CNTN5: variants seen among roughly 807,000 people sequenced by gnomAD.
CNTN5 encodes contactin 5, also known as contactin-5.
CNTN5 carries 77 observed loss-of-function variants against 129.1 expected under a neutral mutation model. The ratio of observed to expected loss-of-function variants is 0.60; its 90% CI spans 0.50 to 0.72. CNTN5 has a LOEUF of 0.72. Among genes scored for constraint, CNTN5 ranks in the 30% least tolerant of loss-of-function variants. CNTN5 has a pLI of 0.00. For synonymous variants in CNTN5, 509 were observed against 465.6 expected, an observed-to-expected ratio of 1.09 and a Z score of -1.20; for missense variants, 1,478 against 1,328.8, an observed-to-expected ratio of 1.11 and a Z score of -1.75.
intron 3 of CNTN5, among the ~76,000 whole-genome samples, chr11:99,717,460 T>TA (rs1414478650): frequency 4.6e-5 from 7 of 152,006 alleles, no homozygotes; most frequent in African/African-American, 1.2e-4. Context: ...ATCAGTAATA[T>TA]AAAAAAAGAT....
At chr11:99,365,168 G>C (rs1939366574) in intron 2 of CNTN5, among the ~76,000 whole-genome samples, 2 of 152,126 alleles carry the variant, frequency 1.3e-5, no homozygotes, top group Admixed American at 1.3e-4. Flanking sequence ...CTTTGATACT[G>C]TACAATATTC....
chr11:99,656,036 A>G (rs943131720), intron 3 of CNTN5, among the ~76,000 whole-genome samples: 1 of 151,224 alleles, frequency 6.6e-6, no homozygotes, highest in Non-Finnish European at 1.5e-5. Flanking sequence ...GTATGTGTGT[A>G]TGTGTGTATA....
In CNTN5 at chr11:99,793,065, A is replaced by ATT. The variant is rs34583185; in HGVS notation, c.56-26467_56-26466dup. 5.6e-3 allele frequency among the ~76,000 whole-genome samples: 796 copies of ATT among 142,712 alleles called. 6 individuals are homozygous for ATT. Among genetic ancestry groups the ATT allele is most frequent in the Non-Finnish European group, 9.4e-3 (611 of 64,804 alleles). The allele number at this position is 142,712 out of a possible 152,430, so 93.6% of individuals were successfully genotyped here. A position where few individuals can be genotyped will look rare whatever the true frequency, so the allele number is the denominator to read the frequency against. On this transcript the variant is annotated intron_variant, in intron 3 of 24. Coordinates refer to ENST00000524871, the MANE Select transcript of CNTN5 (RefSeq NM_014361.4). ...TACTAGCAGTCTATCTATCTTATTA[A>ATT]TTTTTTTTTTTTTCGACACAGTCTC...
intron 3 of CNTN5, among the ~76,000 whole-genome samples, chr11:99,606,271 G>A (rs371315152): frequency 7.8e-6 from 1 of 128,106 alleles, no homozygotes. Context: ...AAATCAATGT[G>A]CAAAAATCAC....
chr11:99,741,139 G>A (rs1022621615), intron 3 of CNTN5, among the ~76,000 whole-genome samples: 2 of 152,064 alleles, frequency 1.3e-5, no homozygotes, highest in African/African-American at 2.4e-5. Flanking sequence ...AGCAAGGCAG[G>A]TATTCAGTGA....
At chr11:99,763,174 A>T (rs2000567) in intron 3 of CNTN5, among the ~76,000 whole-genome samples, 71,966 of 151,886 alleles carry the variant, frequency 0.47, 17,540 homozygotes, top group Non-Finnish European at 0.54. Context: ...ACTTAAATGT[A>T]TTTGTAATTA....
chr11:100,062,309 A>G (rs567486915), intron 10 of CNTN5, among the ~76,000 whole-genome samples: 1 of 152,340 alleles, frequency 6.6e-6, no homozygotes, highest in African/African-American at 2.4e-5. Flanking sequence ...CAGTTCCAAA[A>G]GCTTAATGCC....
intron 7 of CNTN5, among the ~76,000 whole-genome samples, chr11:99,945,063 G>A (rs1950524357): frequency 6.6e-6 from 1 of 151,990 alleles, no homozygotes; most frequent in African/African-American, 2.4e-5. Flanking sequence ...AAGAGTGGGT[G>A]ATAGTATCGG....
intron 1 of CNTN5, among the ~76,000 whole-genome samples, chr11:99,289,068 T>C (rs1186263383): frequency 1.3e-5 from 2 of 151,842 alleles, no homozygotes; most frequent in Non-Finnish European, 3.0e-5. Context: ...ATTTTCCGAT[T>C]CTCAATTCCT....
intron 1 of CNTN5, among the ~76,000 whole-genome samples, chr11:99,164,140 A>T (rs1159248513): frequency 6.6e-6 from 1 of 152,102 alleles, no homozygotes; most frequent in Non-Finnish European, 1.5e-5. Flanking sequence ...AGCCTGGCCA[A>T]CATGGTGAAA....
intron 16 of CNTN5, among the ~76,000 whole-genome samples, chr11:100,233,980 G>C (rs1440523834): frequency 6.6e-6 from 1 of 152,022 alleles, no homozygotes; most frequent in African/African-American, 2.4e-5. Flanking sequence ...CCATCAAAAA[G>C]TGGGCAAAGG....
At chr11:99,598,276 T>G (rs1415600019) in intron 3 of CNTN5, among the ~76,000 whole-genome samples, 9 of 2,494 alleles carry the variant, frequency 3.6e-3, no homozygotes, top group African/African-American at 6.6e-3. Flanking sequence ...TTTCTTTTCT[T>G]TTCTTTTCTT....
At chr11:100,092,764 T>C (rs939733677) in intron 13 of CNTN5, among the ~76,000 whole-genome samples, 1 of 150,972 alleles carries the variant, frequency 6.6e-6, no homozygotes, top group Non-Finnish European at 1.5e-5. Context: ...TCTTTGCGCA[T>C]ATGTGTGTGC....
intron 2 of CNTN5, among the ~76,000 whole-genome samples, chr11:99,481,196 C>G (rs1157397124): frequency 6.6e-6 from 1 of 151,980 alleles, no homozygotes; most frequent in Non-Finnish European, 1.5e-5. Flanking sequence ...AGCAGTAATT[C>G]TAGTGCCTTT....
Position 99,741,025 on chromosome 11 carries a change from A to G in CNTN5, c.56-78519A>G, listed in dbSNP as rs1414066240. On this transcript the variant is annotated intron_variant, in intron 3 of 24. Coordinates refer to ENST00000524871, the MANE Select transcript of CNTN5 (RefSeq NM_014361.4). ...TTGCATCTTGAATCCCACATTTTCT[A>G]GAAACACTTTAGCTCAGAATATTAT... Among the ~76,000 whole-genome samples the G allele has an allele frequency of 5.3e-5, 8 of 152,276 alleles. No individual in the cohort carries two copies. The East Asian group carries it at 9.6e-4, about 18-fold the overall frequency.
At chr11:99,096,268 T>C (rs890773897) in intron 1 of CNTN5, among the ~76,000 whole-genome samples, 2 of 151,886 alleles carry the variant, frequency 1.3e-5, no homozygotes, top group African/African-American at 4.8e-5. Context: ...ATAAAATTTG[T>C]TCATTTCTGT....
intron 6 of CNTN5, among the ~76,000 whole-genome samples, chr11:99,862,394 G>A (rs745852479): frequency 2.6e-5 from 4 of 151,952 alleles, no homozygotes; most frequent in Non-Finnish European, 4.4e-5. Context: ...CTGACATGGA[G>A]ACAAATTACC....
chr11:99,822,000 G>A (rs1003941446), intron 4 of CNTN5, among the ~76,000 whole-genome samples: 4 of 152,164 alleles, frequency 2.6e-5, no homozygotes, highest in Non-Finnish European at 4.4e-5. Flanking sequence ...TTAGCTAGAT[G>A]TGACTTTGAG....
chr11:100,109,677 G>A (rs907539957), intron 13 of CNTN5, among the ~76,000 whole-genome samples: 4 of 152,080 alleles, frequency 2.6e-5, no homozygotes, highest in Admixed American at 1.3e-4. Context: ...AATAAAATGC[G>A]AAAGTATTAT....
Sources: gnomAD v4.1 joint callset for allele counts (sites outside exome capture counted in the v4.1 genomes callset) on GRCh38, gnomAD v4.1.1 for gene constraint, MANE v1.5 for transcripts, NCBI Gene and HGNC (gene_info 2026-07-23, HGNC 2026-07-21) for gene names.